TRIM71: variants seen among roughly 807,000 people sequenced by gnomAD.
TRIM71 encodes the protein E3 ubiquitin-protein ligase TRIM71.
Under a neutral mutation model 61.2 loss-of-function variants are expected in TRIM71, and 9 were observed. The ratio of observed to expected loss-of-function variants is 0.15; its 90% CI spans 0.09 to 0.26. The LOEUF (loss-of-function observed/expected upper bound fraction) is 0.26, where lower values mean the gene tolerates loss of function less well. Ranked by LOEUF, TRIM71 falls within the 10% of genes least tolerant of loss-of-function variation. The pLI, the probability that TRIM71 is intolerant of heterozygous loss-of-function variation, is 1.00. For missense variants in TRIM71, 998 were observed against 1,238.7 expected, an observed-to-expected ratio of 0.81 and a Z score of 2.92; for synonymous variants, 645 against 553.2, an observed-to-expected ratio of 1.17 and a Z score of -2.33.
chr3:32,891,288 C>G lies in TRIM71; in HGVS notation c.2084C>G (p.Thr695Ser), dbSNP rs765178533. ...CTCCTCAAGTTTGGTGAGAAAGGAA[C>G]CAAGAATGGGCAGTTCAACTACCCT... Reference protein sequence around the residue: ...QFLLKFGEKGTKNGQFNYPWD... With the variant: ...QFLLKFGEKGSKNGQFNYPWD... Residue 695 changes from threonine (T) to serine (S), a missense_variant, in exon 4 of 4, where the codon ACC becomes AGC. Physicochemically the swap from Thr to Ser is moderately conservative, Grantham distance 58. Transcript: ENST00000383763. This position sits in a 1 kb window ranked among gnomAD's most constrained non-coding sequence, Gnocchi z 8.2. 2.5e-6 allele frequency: 4 copies of G among 1,613,940 alleles called. No homozygotes were observed. The East Asian group carries it at 8.9e-5, about 36-fold the overall frequency.
intron 2 of TRIM71, among the ~76,000 whole-genome samples, chr3:32,882,985 C>A (rs79255062): frequency 0.011 from 1,678 of 152,316 alleles, 21 homozygotes; most frequent in African/African-American, 0.038. Flanking sequence ...CCTTTGTTCT[C>A]TCAGACAAAG....
chr3:32,882,096 C>A (rs1696914788), intron 2 of TRIM71, among the ~76,000 whole-genome samples: 2 of 152,102 alleles, frequency 1.3e-5, no homozygotes, highest in South Asian at 4.1e-4. Context: ...TAGGGTAGTA[C>A]ACCCATTCCT....
At chr3:32,823,366 C>T (rs936289913) in intron 1 of TRIM71, among the ~76,000 whole-genome samples, 1 of 152,222 alleles carries the variant, frequency 6.6e-6, no homozygotes, top group African/African-American at 2.4e-5. Context: ...CATAACCTGT[C>T]ATAAACTGTG....
chr3:32,846,077 T>C (rs1696470966), intron 1 of TRIM71, among the ~76,000 whole-genome samples: 1 of 144,052 alleles, frequency 6.9e-6, no homozygotes, highest in South Asian at 2.4e-4. Flanking sequence ...AGCCACTTTT[T>C]TTTTTTTTTT....
chr3:32,888,566 G>A (rs1696986864), intron 3 of TRIM71, among the ~76,000 whole-genome samples: 1 of 151,444 alleles, frequency 6.6e-6, no homozygotes, highest in Admixed American at 6.6e-5. Flanking sequence ...TTGAGACGGA[G>A]TTTCGCTCTT....
chr3:32,857,121 A>G (rs1482054331), intron 1 of TRIM71, among the ~76,000 whole-genome samples: 1 of 152,108 alleles, frequency 6.6e-6, no homozygotes, highest in Non-Finnish European at 1.5e-5. Flanking sequence ...AGGTCACCCA[A>G]CTGCCATGTA....
rs115124530 is a variant in TRIM71 at position 32,870,896 on chromosome 3, T to G, written c.853-2922T>G. 2.8e-3 allele frequency among the ~76,000 whole-genome samples: 433 copies of G among 152,186 alleles called. 3 individuals carry two copies. The highest frequency in any genetic ancestry group is 9.5e-3 in the African/African-American group (394 of 41,518). On this transcript the variant is annotated intron_variant, in intron 1 of 3. Coordinates refer to ENST00000383763, the MANE Select transcript of TRIM71 (RefSeq NM_001039111.3). ...GCCATGGTCACGGCTCACTGCAGCCTCAACTTCTTAGGCTCAAGGAATCCT... is the reference window on the plus strand; with the variant it reads ...GCCATGGTCACGGCTCACTGCAGCCGCAACTTCTTAGGCTCAAGGAATCCT...
chr3:32,823,876 A>C lies in TRIM71; in HGVS notation c.852+4944A>C, dbSNP rs1696168876. On this transcript the variant is annotated intron_variant, in intron 1 of 3. Transcript: ENST00000383763. ...ATCACGAGGTCAAGAGATCGAGACCATCCTGGCCAACATGGTGAAACCCTG... is the reference window on the plus strand; with the variant it reads ...ATCACGAGGTCAAGAGATCGAGACCCTCCTGGCCAACATGGTGAAACCCTG... Among the ~76,000 whole-genome samples the C allele has an allele frequency of 2.6e-5, 4 of 152,276 alleles. No individual in the cohort carries two copies. In the South Asian group the frequency reaches 8.3e-4, roughly 32 times the overall value.
chr3:32,846,610 T>C (rs572004191), intron 1 of TRIM71, among the ~76,000 whole-genome samples: 6 of 152,324 alleles, frequency 3.9e-5, no homozygotes, highest in African/African-American at 1.2e-4. Flanking sequence ...CCTGTCTAAC[T>C]GAAACTTTTA....
intron 1 of TRIM71, among the ~76,000 whole-genome samples, chr3:32,848,738 T>A (rs1216007758): frequency 6.6e-6 from 1 of 152,126 alleles, no homozygotes; most frequent in Non-Finnish European, 1.5e-5. Flanking sequence ...GAATGAAACC[T>A]GGGGCAGTGG....
intron 3 of TRIM71, among the ~76,000 whole-genome samples, chr3:32,888,755 G>A (rs115590406): frequency 0.039 from 5,888 of 152,172 alleles, 337 homozygotes; most frequent in African/African-American, 0.13. Flanking sequence ...GGCCAGACTG[G>A]TTTTGAACTC....
chr3:32,820,943 A>G (rs1049257530), intron 1 of TRIM71, among the ~76,000 whole-genome samples: 4 of 152,208 alleles, frequency 2.6e-5, no homozygotes, highest in African/African-American at 9.7e-5. Context: ...CATTAAAAAC[A>G]TTTCGGAAGT....
At chr3:32,830,073 G>A (rs2125675809) in intron 1 of TRIM71, among the ~76,000 whole-genome samples, 1 of 151,972 alleles carries the variant, frequency 6.6e-6, no homozygotes, top group African/African-American at 2.4e-5. Flanking sequence ...ATAGGTACAT[G>A]CCACCGTGCC....
rs887073755 is a variant in TRIM71, at chr3:32,897,083, A to T, written c.*5272A>T. 1 of 5,186 alleles carries T rather than the reference A, an allele frequency of 1.9e-4. No individual in the cohort carries two copies. The highest frequency in any genetic ancestry group is 7.6e-4 in the African/African-American group (1 of 1,310). 0.3% of individuals were successfully genotyped at this position (5,186 alleles called of 1,614,324 possible). On this transcript the variant is annotated 3_prime_UTR_variant, in exon 4 of 4. Transcript: ENST00000383763. ...TGTTAGTTATACTTGGGTGGGTGGGAGGGTTGTTAAACTGAATCTTGCTTA... is the reference window on the plus strand; with the variant it reads ...TGTTAGTTATACTTGGGTGGGTGGGTGGGTTGTTAAACTGAATCTTGCTTA...
chr3:32,863,195 CTTTTTT>C (rs11348995), intron 1 of TRIM71, among the ~76,000 whole-genome samples: 2 of 53,750 alleles, frequency 3.7e-5, no homozygotes, highest in African/African-American at 1.4e-4. Flanking sequence ...TTAATTGAAC[CTTTTTT>C]TTTTTTTTTT....
rs943473393 is a variant in TRIM71 at position 32,823,555 on chromosome 3, A to G, written c.852+4623A>G. ...AGGAATATACATTTTGGAAGACAAG[A>G]TATTTGGGGAAAAAAACGTTACTTT... On this transcript the variant is annotated intron_variant, in intron 1 of 3. Coordinates refer to ENST00000383763, the MANE Select transcript of TRIM71 (RefSeq NM_001039111.3). Among the ~76,000 whole-genome samples, 110 of 152,320 alleles carry G rather than the reference A, an allele frequency of 7.2e-4. 2 individuals are homozygous for G. Among genetic ancestry groups the G allele is most frequent in the African/African-American group, 2.5e-3 (104 of 41,566 alleles).
chr3:32,818,761 C>G lies in TRIM71; in HGVS notation c.681C>G (p.His227Gln). ...TGTGCGACAACTGCGTCCGAGCGCACCAGCGCGTGCGCCTCACCAAGGACC... is the reference window on the plus strand; with the variant it reads ...TGTGCGACAACTGCGTCCGAGCGCAGCAGCGCGTGCGCCTCACCAAGGACC... ...EHLCDNCVRA[H>Q]QRVRLTKDHY... Residue 227 changes from histidine (H) to glutamine (Q), a missense_variant, in exon 1 of 4, where the codon CAC becomes CAG. His to Gln is a conservative substitution (Grantham distance 24, BLOSUM62 0). Coordinates refer to ENST00000383763, the MANE Select transcript of TRIM71 (RefSeq NM_001039111.3). 6.2e-7 allele frequency: 1 copy of G among 1,606,220 alleles called. No individual in the cohort carries two copies. Among genetic ancestry groups the G allele is most frequent in the Non-Finnish European group, 8.5e-7 (1 of 1,178,372 alleles).
chr3:32,880,441 G>A (rs1416711062), intron 2 of TRIM71, among the ~76,000 whole-genome samples: 9 of 152,174 alleles, frequency 5.9e-5, no homozygotes, highest in Admixed American at 3.9e-4. Flanking sequence ...TGAATGTCTG[G>A]TATTAAATTG....
chr3:32,820,361 C>T (rs539643780), intron 1 of TRIM71, among the ~76,000 whole-genome samples: 3 of 152,332 alleles, frequency 2.0e-5, no homozygotes, highest in East Asian at 1.9e-4. Context: ...TTGTAGGCAT[C>T]TCCTTTTAAA....
Sources: gnomAD v4.1 joint callset for allele counts (sites outside exome capture counted in the v4.1 genomes callset) on GRCh38, gnomAD v4.1.1 for gene constraint, Gnocchi (gnomAD v3.1) non-coding constraint, MANE v1.5 for transcripts, NCBI Gene and HGNC (gene_info 2026-07-23, HGNC 2026-07-21) for gene names.